Variants in GAB3 observed in about 807,000 individuals in gnomAD.
The protein encoded by GAB3 is GRB2 associated binding protein 3.
A neutral mutation model predicts 40.4 loss-of-function variants in GAB3; 12 were observed. The observed-to-expected ratio is 0.30, with a 90% CI of 0.19 to 0.48. The LOEUF (loss-of-function observed/expected upper bound fraction) is 0.48. GAB3 is among the 20% of genes least tolerant of loss of function. The pLI is 0.99. For missense variants in GAB3, 381 were observed against 461.9 expected (o/e 0.82, Z 1.61); for synonymous variants, 154 against 176.7 (o/e 0.87, Z 1.02).
At chrX:154,749,692 T>C (rs1171405042) in intron 1 of GAB3, among the ~76,000 whole-genome samples, 1 of 112,421 alleles carries the variant, frequency 8.9e-6, no homozygotes, top group Non-Finnish European at 1.9e-5. Flanking sequence ...TAAAGTTCTG[T>C]TCTGCAGAAC....
chrX:154,682,513 T>G (rs1016044366), intron 8 of GAB3, among the ~76,000 whole-genome samples: 12 of 111,790 alleles, frequency 1.1e-4, no homozygotes, highest in Admixed American at 1.0e-3. Flanking sequence ...AATAGATTTT[T>G]TCATGAATAG....
chrX:154,688,729 G>A (rs2070499263), intron 8 of GAB3, among the ~76,000 whole-genome samples: 1 of 111,870 alleles, frequency 8.9e-6, no homozygotes, highest in Admixed American at 9.5e-5. Context: ...ACCAAAATAT[G>A]TCCAACATAA....
chrX:154,730,573 G>A (rs781908377), intron 1 of GAB3, among the ~76,000 whole-genome samples: 249 of 112,062 alleles, frequency 2.2e-3, no homozygotes, highest in African/African-American at 7.4e-3. Flanking sequence ...ACGCACTCAC[G>A]AGGCTGGGGG....
Position 154,675,447 on chromosome X carries a change from A to T in GAB3, c.*2731T>A, listed in dbSNP as rs1557245226. 9.0e-6 allele frequency: 1 copy of T among 111,560 alleles called. No homozygotes were observed. Among genetic ancestry groups the T allele is most frequent in the African/African-American group, 3.3e-5 (1 of 30,665 alleles). The allele number at this position is 111,560 out of a possible 1,213,427, so 9.2% of individuals were successfully genotyped here. A position where few individuals can be genotyped will look rare whatever the true frequency, so the allele number is the denominator to read the frequency against. On this transcript the variant is annotated 3_prime_UTR_variant, in exon 10 of 10. Transcript: ENST00000424127. ...GCTGATCCTGTGAAGTGGACTGTAC[A>T]GTGGGTAGGTCGCTTCGTGTCTTTA...
At chrX:154,703,740 T>C (rs1302939730) in intron 4 of GAB3, among the ~76,000 whole-genome samples, 1 of 112,221 alleles carries the variant, frequency 8.9e-6, no homozygotes, top group Non-Finnish European at 1.9e-5. Flanking sequence ...AGACAGGCAA[T>C]AACAAATGCT....
At chrX:154,745,399 C>A (rs1300140595) in intron 1 of GAB3, among the ~76,000 whole-genome samples, 2 of 108,540 alleles carry the variant, frequency 1.8e-5, no homozygotes, top group Non-Finnish European at 3.8e-5. Context: ...GGTCTCAAAT[C>A]AGTAATTTAA....
chrX:154,702,994 A>G (rs2070759398), intron 4 of GAB3, among the ~76,000 whole-genome samples: 1 of 112,166 alleles, frequency 8.9e-6, no homozygotes, highest in African/African-American at 3.2e-5. Flanking sequence ...AAAAAGTCAA[A>G]AAATAACAGA....
At chrX:154,747,278 G>A (rs1251539272) in intron 1 of GAB3, among the ~76,000 whole-genome samples, 1 of 112,085 alleles carries the variant, frequency 8.9e-6, no homozygotes. Context: ...CAAAGTGCTG[G>A]GATTATAGGC....
intron 4 of GAB3, among the ~76,000 whole-genome samples, chrX:154,706,837 T>C (rs2070817243): frequency 9.1e-6 from 1 of 109,386 alleles, no homozygotes; most frequent in South Asian, 4.0e-4. Flanking sequence ...GGAGGATTAT[T>C]TAAGCCCAGA....
intron 8 of GAB3, among the ~76,000 whole-genome samples, chrX:154,687,310 T>G (rs2070467460): frequency 9.1e-6 from 1 of 110,233 alleles, no homozygotes; most frequent in Non-Finnish European, 1.9e-5. Flanking sequence ...CAAATGTATG[T>G]ATAGATTTAA....
At chrX:154,745,136 A>C (rs2071506893) in intron 1 of GAB3, among the ~76,000 whole-genome samples, 1 of 111,353 alleles carries the variant, frequency 9.0e-6, no homozygotes, top group Non-Finnish European at 1.9e-5. Context: ...GTTCAAGACC[A>C]GCCTGGCCAA....
At chrX:154,749,522 A>G (rs1255799474) in intron 1 of GAB3, among the ~76,000 whole-genome samples, 2 of 112,480 alleles carry the variant, frequency 1.8e-5, no homozygotes, top group African/African-American at 6.5e-5. Flanking sequence ...TTCACAGTTA[A>G]GGAAGCAGCT....
At position 154,694,816 on chromosome X, in the gene GAB3, C is replaced by A. The variant is rs371420719; in HGVS notation, c.1530+1101G>T. 2.7e-5 allele frequency among the ~76,000 whole-genome samples: 3 copies of A among 112,013 alleles called. No homozygotes were observed. The East Asian group carries it at 8.4e-4, about 31-fold the overall frequency. ...TTTTCTGTTCTCTGGAGACAGAGCA[C>A]AGCTGTTAAGCATCGTTTTATAAGA... On this transcript the variant is annotated intron_variant, in intron 8 of 9. Transcript: ENST00000424127.
At position 154,712,707 on chromosome X, in the gene GAB3, G is replaced by A; in HGVS notation, c.597-6C>T. ...TATCACATCTGGTGGGTAGACTGGG[G>A]AAGAAAAGCATGTAAGTTGGACTAA... On this transcript the variant is annotated splice_region_variant and splice_polypyrimidine_tract_variant and intron_variant, in intron 3 of 9. Coordinates refer to ENST00000424127, the MANE Select transcript of GAB3 (RefSeq NM_001081573.3). The A allele has an allele frequency of 9.2e-7, 1 of 1,083,409 alleles. No individual in the cohort carries two copies. The highest frequency in any genetic ancestry group is 1.2e-6 in the Non-Finnish European group (1 of 818,348). 89.3% of individuals were successfully genotyped at this position (1,083,409 alleles called of 1,213,427 possible).
chrX:154,695,668 C>A (rs1024071193), intron 8 of GAB3, among the ~76,000 whole-genome samples: 20 of 112,495 alleles, frequency 1.8e-4, no homozygotes, highest in African/African-American at 6.1e-4. Context: ...ATTAAGCAAG[C>A]CTCAGCCCTG....
intron 2 of GAB3, among the ~76,000 whole-genome samples, chrX:154,715,403 T>C (rs1359467610): frequency 3.0e-5 from 3 of 99,277 alleles, no homozygotes; most frequent in Admixed American, 1.1e-4. Flanking sequence ...TGTGTGTGTG[T>C]GCGTGTGTGC....
At chrX:154,748,481 G>C (rs2071561961) in intron 1 of GAB3, among the ~76,000 whole-genome samples, 1 of 111,745 alleles carries the variant, frequency 8.9e-6, no homozygotes, top group African/African-American at 3.3e-5. Context: ...TATTTCTTGT[G>C]AAACAAAAAA....
chrX:154,723,076 C>T (rs941073670), intron 1 of GAB3, among the ~76,000 whole-genome samples: 30 of 110,607 alleles, frequency 2.7e-4, no homozygotes, highest in South Asian at 3.9e-4. Flanking sequence ...AATGGGGTTT[C>T]GCCATGTTGG....
Position 154,723,458 on chromosome X carries a change from G to A in GAB3, c.73-7129C>T, listed in dbSNP as rs782652210. Among the ~76,000 whole-genome samples, 18 of 111,871 alleles carry A rather than the reference G, an allele frequency of 1.6e-4. No homozygotes were observed. In the East Asian group the frequency reaches 4.8e-3, roughly 30 times the overall value. On this transcript the variant is annotated intron_variant, in intron 1 of 9. Transcript: ENST00000424127. ...AAGTAGAGGGGTCTGAACCTAAGAA[G>A]TTCAGAGATGGGTCAGGAAGTAAAG...
Sources: allele counts gnomAD v4.1 joint callset (sites outside exome capture counted in the v4.1 genomes callset), GRCh38; gene constraint gnomAD v4.1.1; transcripts MANE v1.5; gene names NCBI Gene and HGNC (gene_info 2026-07-23, HGNC 2026-07-21).